The following PLCXD3 variants were observed in gnomAD, a reference collection of about 807,000 sequenced individuals.
PLCXD3 encodes the protein phosphatidylinositol specific phospholipase C X domain containing 3.
PLCXD3 carries 19 observed loss-of-function variants against 25.5 expected under a neutral mutation model. The observed-to-expected ratio is 0.75, with a 90% CI of 0.52 to 1.09. The LOEUF (loss-of-function observed/expected upper bound fraction) is 1.09. Among genes scored for constraint, PLCXD3 ranks in the 50% least tolerant of loss-of-function variants. The pLI, the probability that PLCXD3 is intolerant of heterozygous loss-of-function variation, is 0.00. For synonymous variants in PLCXD3, 174 were observed against 137.6 expected, an observed-to-expected ratio of 1.26 and a Z score of -1.85; for missense variants, 411 against 388.1, an observed-to-expected ratio of 1.06 and a Z score of -0.50.
At chr5:41,499,175 A>G (rs1266200136) in intron 1 of PLCXD3, among the ~76,000 whole-genome samples, 2 of 151,580 alleles carry the variant, frequency 1.3e-5, no homozygotes, top group African/African-American at 4.8e-5. Context: ...AAAACAAAAA[A>G]GAAAGAAAAT....
In PLCXD3 at chr5:41,438,395, C is replaced by T. The variant is rs541728570; in HGVS notation, c.104-55861G>A. Among the ~76,000 whole-genome samples the T allele has an allele frequency of 2.2e-4, 33 of 152,270 alleles. No individual in the cohort carries two copies. The South Asian group carries it at 6.6e-3, about 31-fold the overall frequency. On this transcript the variant is annotated intron_variant, in intron 1 of 2. Transcript: ENST00000377801. ...GAAGTCTGAAAAACCGGACTGCTGG[C>T]CCTGGATGAAGCCTGCCCTTTCCCC...
intron 1 of PLCXD3, among the ~76,000 whole-genome samples, chr5:41,392,078 C>T (rs781704231): frequency 1.2e-4 from 18 of 152,168 alleles, no homozygotes; most frequent in Admixed American, 3.3e-4. Context: ...TGATTCTAGT[C>T]TCTGACTCTT....
intron 1 of PLCXD3, among the ~76,000 whole-genome samples, chr5:41,452,236 C>T (rs1042832007): frequency 3.9e-5 from 6 of 151,950 alleles, no homozygotes; most frequent in African/African-American, 1.5e-4. Flanking sequence ...CTCCTTAGTC[C>T]TATACCATCA....
At chr5:41,321,080 T>A (rs1444945983) in intron 2 of PLCXD3, among the ~76,000 whole-genome samples, 3 of 152,164 alleles carry the variant, frequency 2.0e-5, no homozygotes, top group Admixed American at 1.3e-4. Context: ...TTCAAAATAG[T>A]ACTGGAATTT....
intron 1 of PLCXD3, among the ~76,000 whole-genome samples, chr5:41,507,768 G>A (rs1181431408): frequency 6.6e-6 from 1 of 152,196 alleles, no homozygotes; most frequent in Admixed American, 6.5e-5. Context: ...GGTGCACCAG[G>A]AGTGGTTTTA....
In PLCXD3 at chr5:41,382,452, G is replaced by C; in HGVS notation, c.186C>G (p.Val62=). ...TTTTGGCCACAGTTCCAAACACAGA[G>C]ACAAAATTCTGGACAGTTTCTGGCT... ...PEQPETVQNF[V]SVFGTVAKKL... The change falls in exon 2 of 3, where the codon GTC becomes GTG. Residue 62 remains valine (V), a synonymous_variant. Coordinates refer to ENST00000377801, the MANE Select transcript of PLCXD3 (RefSeq NM_001005473.3). The C allele has an allele frequency of 1.9e-6, 3 of 1,613,088 alleles. No homozygotes were observed. Among genetic ancestry groups the C allele is most frequent in the African/African-American group, 2.7e-5 (2 of 74,984 alleles).
rs574047690 is a variant in PLCXD3, at chr5:41,354,625, C to G, written c.812+27201G>C. ...TCATTCAATGACACACATGTACTGA[C>G]TATATCATGTACCTAGATCCTGGGT... On this transcript the variant is annotated intron_variant, in intron 2 of 2. Coordinates refer to ENST00000377801, the MANE Select transcript of PLCXD3 (RefSeq NM_001005473.3). Among the ~76,000 whole-genome samples the G allele has an allele frequency of 2.6e-5, 4 of 152,244 alleles. No individual in the cohort carries two copies. In the South Asian group the frequency reaches 8.3e-4, roughly 32 times the overall value.
At chr5:41,431,067 A>G (rs1747087436) in intron 1 of PLCXD3, among the ~76,000 whole-genome samples, 1 of 152,232 alleles carries the variant, frequency 6.6e-6, no homozygotes, top group South Asian at 2.1e-4. Context: ...CAATGAGCAC[A>G]AATCACCTAG....
intron 1 of PLCXD3, among the ~76,000 whole-genome samples, chr5:41,395,344 T>C (rs962021436): frequency 2.0e-5 from 3 of 152,158 alleles, no homozygotes; most frequent in Admixed American, 2.0e-4. Context: ...GATGGAAATT[T>C]ATAGCTATAA....
chr5:41,423,078 A>T (rs1746867096), intron 1 of PLCXD3, among the ~76,000 whole-genome samples: 1 of 152,036 alleles, frequency 6.6e-6, no homozygotes, highest in Non-Finnish European at 1.5e-5. Flanking sequence ...TGATCAAATT[A>T]TTTTTTCTTT....
chr5:41,369,243 T>A (rs1745023457), intron 2 of PLCXD3, among the ~76,000 whole-genome samples: 1 of 152,094 alleles, frequency 6.6e-6, no homozygotes, highest in Non-Finnish European at 1.5e-5. Flanking sequence ...AAAACTAAGT[T>A]TTCAGGATAC....
At chr5:41,487,357 G>T (rs926950634) in intron 1 of PLCXD3, among the ~76,000 whole-genome samples, 4 of 152,022 alleles carry the variant, frequency 2.6e-5, no homozygotes, top group Non-Finnish European at 5.9e-5. Flanking sequence ...ACTCTTTTTG[G>T]GTTCTCTTTC....
chr5:41,466,840 G>T lies in PLCXD3; in HGVS notation c.103+43584C>A, dbSNP rs377425633. 9.9e-5 allele frequency among the ~76,000 whole-genome samples: 15 copies of T among 152,094 alleles called. No homozygotes were observed. The South Asian group carries it at 3.1e-3, about 32-fold the overall frequency. On this transcript the variant is annotated intron_variant, in intron 1 of 2. Coordinates refer to ENST00000377801, the MANE Select transcript of PLCXD3 (RefSeq NM_001005473.3). The stretch of plus-strand genomic sequence containing the variant: ...TTCTATGTTTGGCTTGTTTCACTTA[G>T]CATTATATCCTCAAGATCCATCCAT...
chr5:41,399,797 G>T (rs1306156923), intron 1 of PLCXD3, among the ~76,000 whole-genome samples: 1 of 152,080 alleles, frequency 6.6e-6, no homozygotes, highest in Non-Finnish European at 1.5e-5. Context: ...AACATTTCTT[G>T]ATCAATACCC....
At chr5:41,498,868 G>T (rs1396387488) in intron 1 of PLCXD3, among the ~76,000 whole-genome samples, 1 of 151,702 alleles carries the variant, frequency 6.6e-6, no homozygotes, top group African/African-American at 2.4e-5. Flanking sequence ...ATCAATTAAT[G>T]TGATATACCA....
chr5:41,418,589 A>C (rs1236965039), intron 1 of PLCXD3, among the ~76,000 whole-genome samples: 2 of 152,200 alleles, frequency 1.3e-5, no homozygotes, highest in Non-Finnish European at 2.9e-5. Context: ...ACTAAGGCAA[A>C]GTTAAAACTG....
intron 2 of PLCXD3, among the ~76,000 whole-genome samples, chr5:41,344,564 T>C (rs1744248992): frequency 6.6e-6 from 1 of 152,148 alleles, no homozygotes; most frequent in Non-Finnish European, 1.5e-5. Context: ...TTAATTCATT[T>C]GTTTGCCTAG....
intron 1 of PLCXD3, among the ~76,000 whole-genome samples, chr5:41,495,085 C>T (rs1287593654): frequency 5.3e-5 from 8 of 152,200 alleles, no homozygotes; most frequent in African/African-American, 1.9e-4. Context: ...AGAAATGTGC[C>T]ACATCAAAGC....
At chr5:41,337,602 G>T (rs1744021552) in intron 2 of PLCXD3, among the ~76,000 whole-genome samples, 1 of 152,134 alleles carries the variant, frequency 6.6e-6, no homozygotes, top group African/African-American at 2.4e-5. Context: ...AATATAAGTG[G>T]AATTTAATTT....
Sources: allele counts gnomAD v4.1 joint callset (sites outside exome capture counted in the v4.1 genomes callset), GRCh38; gene constraint gnomAD v4.1.1; transcripts MANE v1.5; gene names NCBI Gene and HGNC (gene_info 2026-07-23, HGNC 2026-07-21).